Variants in PRDM2 observed in about 807,000 individuals in gnomAD.
PRDM2 encodes PR domain zinc finger protein 2.
A neutral mutation model predicts 130.0 loss-of-function variants in PRDM2; 30 were observed. The observed-to-expected ratio is 0.23, with a 90% CI of 0.17 to 0.31. The LOEUF is 0.31. Among genes scored for constraint, PRDM2 ranks in the 10% least tolerant of loss-of-function variants. The pLI, the probability that PRDM2 is intolerant of heterozygous loss-of-function variation, is 1.00. For missense variants in PRDM2, 2,011 were observed against 2,108.4 expected (o/e 0.95, Z 0.90); for synonymous variants, 871 against 782.4 (o/e 1.11, Z -1.89).
Position 13,750,082 on chromosome 1 carries a change from TAGAG to T in PRDM2, c.511+598_511+601del, listed in dbSNP as rs370293520. 1.7e-3 allele frequency among the ~76,000 whole-genome samples: 255 copies of T among 152,278 alleles called. 2 individuals are homozygous for T. The highest frequency in any genetic ancestry group is 3.5e-3 in the East Asian group (18 of 5,176). On this transcript the variant is annotated intron_variant, in intron 6 of 9. Coordinates refer to ENST00000311066, the MANE Select transcript of PRDM2 (RefSeq NM_001393986.1). ...AGGATGCCCAGGGGGATGTGGAAGT[TAGAG>T]AGCGTGTTGTTTTGTCGTTTTGACT...
chr1:13,741,550 C>G (rs902387717), intron 4 of PRDM2, among the ~76,000 whole-genome samples: 1 of 152,118 alleles, frequency 6.6e-6, no homozygotes, highest in Non-Finnish European at 1.5e-5. Flanking sequence ...GTGCCATACT[C>G]GATTAGCAGA....
chr1:13,764,684 C>T (rs1358662367), intron 6 of PRDM2, among the ~76,000 whole-genome samples: 4 of 152,368 alleles, frequency 2.6e-5, no homozygotes, highest in African/African-American at 9.6e-5. Context: ...GCTGCAGAGG[C>T]TGTGCAACAG....
rs569877535 is a variant in PRDM2 at position 13,788,335 on chromosome 1, G to C, written c.5036+5504G>C. Among the ~76,000 whole-genome samples the C allele has an allele frequency of 3.9e-5, 6 of 152,318 alleles. No homozygotes were observed. In the South Asian group the frequency reaches 1.0e-3, roughly 26 times the overall value. On this transcript the variant is annotated intron_variant, in intron 8 of 9. Transcript: ENST00000311066. ...ACCTTGTGAACTCACTCGGGTAAGA[G>C]TAAAATACAAAATAATTTCATCTGT...
At chr1:13,819,670 A>G (rs1645315644) in intron 9 of PRDM2, among the ~76,000 whole-genome samples, 1 of 152,210 alleles carries the variant, frequency 6.6e-6, no homozygotes, top group South Asian at 2.1e-4. Flanking sequence ...TTATTTCCTG[A>G]TGGTTCTTGA....
intron 8 of PRDM2, among the ~76,000 whole-genome samples, chr1:13,797,061 T>C (rs995096598): frequency 2.0e-5 from 3 of 152,198 alleles, no homozygotes; most frequent in African/African-American, 7.2e-5. Flanking sequence ...AATTTATGTT[T>C]AGAATAAATA....
In PRDM2 at chr1:13,749,281, C is replaced by T. The variant is rs1490699859; in HGVS notation, c.385-80C>T. 2.4e-6 allele frequency: 3 copies of T among 1,262,504 alleles called. No homozygotes were observed. The African/African-American group carries it at 4.8e-5, about 20-fold the overall frequency. The allele number at this position is 1,262,504 out of a possible 1,614,324, so 78.2% of individuals were successfully genotyped here. A position where few individuals can be genotyped will look rare whatever the true frequency, so the allele number is the denominator to read the frequency against. On this transcript the variant is annotated intron_variant, in intron 5 of 9. Coordinates refer to ENST00000311066, the MANE Select transcript of PRDM2 (RefSeq NM_001393986.1). ...TGTTTGCCATCGGCGCCGCTCCCGC[C>T]CGCGTCCCGGTGCGCGCCCCGCCCC...
At chr1:13,707,794 C>T (rs1642252241) in intron 1 of PRDM2, among the ~76,000 whole-genome samples, 1 of 149,496 alleles carries the variant, frequency 6.7e-6, no homozygotes, top group Admixed American at 6.7e-5. Context: ...GATGGAGTTA[C>T]TTCATGCAGG....
chr1:13,786,759 A>AGG, intron 8 of PRDM2: 1 of 1,385,396 alleles, frequency 7.2e-7, no homozygotes, highest in South Asian at 1.6e-5. Context: ...AGATCCAAAG[A>AGG]GAAGGGCACT....
intron 7 of PRDM2, among the ~76,000 whole-genome samples, chr1:13,776,209 A>G (rs1644471658): frequency 6.6e-6 from 1 of 152,124 alleles, no homozygotes; most frequent in Non-Finnish European, 1.5e-5. Flanking sequence ...TCTATGGGTA[A>G]GGATCGTGAC....
At position 13,780,954 on chromosome 1, in the gene PRDM2, TTCCTCCTCTTCATCTTCC is replaced by T. The variant is rs1466557674; in HGVS notation, c.3171_3188del (p.Ser1058_Ser1063del). Reference sequence around the variant, plus strand: ...CACCCGGGCCTCCAACACTTTCTTCTTCCTCCTCTTCATCTTCCTCCTCCTCTTCGTTTTCTTCTTCAT... The same window carrying T: ...CACCCGGGCCTCCAACACTTTCTTCTTCCTCCTCTTCGTTTTCTTCTTCAT... On this transcript the variant is annotated inframe_deletion, in exon 8 of 10. Transcript: ENST00000311066. 3 of 1,607,122 alleles carry T rather than the reference TTCCTCCTCTTCATCTTCC, an allele frequency of 1.9e-6. No individual in the cohort carries two copies. The highest frequency in any genetic ancestry group is 2.6e-6 in the Non-Finnish European group (3 of 1,173,918).
At chr1:13,801,515 G>A (rs1330310043) in intron 8 of PRDM2, among the ~76,000 whole-genome samples, 2 of 152,142 alleles carry the variant, frequency 1.3e-5, no homozygotes, top group African/African-American at 4.8e-5. Flanking sequence ...TAAATGGCTC[G>A]GGCTTCCATC....
intron 8 of PRDM2, among the ~76,000 whole-genome samples, chr1:13,790,227 C>G (rs892223890): frequency 6.6e-6 from 1 of 152,186 alleles, no homozygotes; most frequent in Non-Finnish European, 1.5e-5. Context: ...GGAAGAATAA[C>G]AGATGAGTGT....
chr1:13,791,469 C>T (rs1270471678), intron 8 of PRDM2, among the ~76,000 whole-genome samples: 3 of 152,166 alleles, frequency 2.0e-5, no homozygotes, highest in African/African-American at 4.8e-5. Flanking sequence ...TCTAAAGGCC[C>T]TGGGATCCTC....
chr1:13,786,068 G>A (rs1463840967), intron 8 of PRDM2, among the ~76,000 whole-genome samples: 1 of 152,002 alleles, frequency 6.6e-6, no homozygotes, highest in African/African-American at 2.4e-5. Context: ...TCGATCTCCT[G>A]ACCTTATGAT....
rs769917250 is a variant in PRDM2, at chr1:13,779,725, C to T, written c.1930C>T (p.Pro644Ser). 1 of 1,613,912 alleles carries T rather than the reference C, an allele frequency of 6.2e-7. No homozygotes were observed. Among genetic ancestry groups the T allele is most frequent in the Non-Finnish European group, 8.5e-7 (1 of 1,179,970 alleles). Residue 644 changes from proline to serine, a missense_variant, in exon 8 of 10, where the codon CCA (proline) becomes TCA (serine). Pro to Ser is a moderately conservative substitution (Grantham distance 74, BLOSUM62 -1). Around this residue, in one of 5 missense-constraint regions of PRDM2, gnomAD observed 1,288 missense variants for 1,237.7 expected, o/e 1.04. Coordinates refer to ENST00000311066, the MANE Select transcript of PRDM2 (RefSeq NM_001393986.1). The surrounding 1 kb of genome is among the most constrained non-coding windows in gnomAD (Gnocchi z 4.9). ...SEAKKRRTAS[P>S]PALPKIKAET... ...GGCCAAGAAGCGGAGAACTGCGAGC[C>T]CACCTGCACTGCCCAAAATTAAGGC...
At chr1:13,787,888 A>G in intron 8 of PRDM2, 1 of 984,708 alleles carries the variant, frequency 1.0e-6, no homozygotes, top group Non-Finnish European at 1.2e-6. Context: ...GCACTGAGAG[A>G]GAGAGAGGTT....
intron 6 of PRDM2, among the ~76,000 whole-genome samples, chr1:13,765,796 G>A (rs1644212859): frequency 6.6e-6 from 1 of 152,162 alleles, no homozygotes; most frequent in South Asian, 2.1e-4. Context: ...TAACAACTTT[G>A]CCATTATCCA....
intron 8 of PRDM2, among the ~76,000 whole-genome samples, chr1:13,798,579 C>A (rs575399346): frequency 6.6e-6 from 1 of 152,294 alleles, no homozygotes; most frequent in African/African-American, 2.4e-5. Flanking sequence ...GTACACACAC[C>A]AAAGATTCGA....
At chr1:13,747,391 G>A (rs996079373) in intron 5 of PRDM2, among the ~76,000 whole-genome samples, 1 of 152,174 alleles carries the variant, frequency 6.6e-6, no homozygotes, top group African/African-American at 2.4e-5. Context: ...TTTAACATAA[G>A]CCTGTTCTTT....
Sources: allele counts gnomAD v4.1 joint callset (sites outside exome capture counted in the v4.1 genomes callset), GRCh38; gene constraint gnomAD v4.1.1; regional missense constraint gnomAD v4.1.1; non-coding constraint Gnocchi (gnomAD v3.1); transcripts MANE v1.5; gene names NCBI Gene and HGNC (gene_info 2026-07-23, HGNC 2026-07-21).